The following CFAP43 variants were observed in gnomAD, a reference collection of about 807,000 sequenced individuals.
CFAP43 encodes the protein cilia and flagella associated protein 43.
Under a neutral mutation model 218.9 loss-of-function variants are expected in CFAP43, and 155 were observed. The observed-to-expected ratio is 0.71, with a 90% confidence interval of 0.62 to 0.81. The LOEUF is 0.81. CFAP43 is among the 30% of genes least tolerant of loss of function. The pLI is 0.00. For synonymous variants in CFAP43, 645 were observed against 681.3 expected (o/e 0.95, Z 0.83); for missense variants, 1,778 against 1,954.3 (o/e 0.91, Z 1.70).
At chr10:104,136,219 C>T (rs1215722584) in intron 34 of CFAP43, among the ~76,000 whole-genome samples, 4 of 134,428 alleles carry the variant, frequency 3.0e-5, no homozygotes, top group African/African-American at 5.6e-5. Context: ...CCACTGTGCT[C>T]CAGCCTGGGA....
intron 34 of CFAP43, among the ~76,000 whole-genome samples, chr10:104,139,233 A>G (rs1168923256): frequency 6.6e-6 from 1 of 152,246 alleles, no homozygotes; most frequent in East Asian, 1.9e-4. Flanking sequence ...GATGTGGAAC[A>G]GTATCAGACA....
chr10:104,132,304 T>A, intron 35 of CFAP43, 108 bp from the exon 36 acceptor site: 2 of 846,330 alleles, frequency 2.4e-6, no homozygotes, highest in Non-Finnish European at 3.5e-6. Flanking sequence ...AACAAATATC[T>A]ATGCAAGTTA....
chr10:104,192,462 G>A (rs1241255027), intron 11 of CFAP43, 160 bp from the exon 12 acceptor site: 3 of 628,864 alleles, frequency 4.8e-6, no homozygotes, highest in African/African-American at 1.9e-5. Flanking sequence ...GTGATTACAT[G>A]TGGATATAAT....
Position 104,152,486 on chromosome 10 carries a change from G to C in CFAP43, c.3660+121C>G. 2.2e-6 allele frequency: 3 copies of C among 1,371,378 alleles called. No individual in the cohort carries two copies. The South Asian group carries it at 3.9e-5, about 18-fold the overall frequency. The allele number at this position is 1,371,378 out of a possible 1,614,324, so 85.0% of individuals were successfully genotyped here. A position where few individuals can be genotyped will look rare whatever the true frequency, so the allele number is the denominator to read the frequency against. On this transcript the variant is annotated intron_variant, in intron 28 of 37. Transcript: ENST00000357060. ...GGTGCACAAGATGAGACTGGAGAGG[G>C]ACGCAGGGCCCAGAGCATACAAGAT...
chr10:104,161,007 T>C (rs2088839832), intron 27 of CFAP43, 30 bp downstream of exon 27: 1 of 1,575,520 alleles, frequency 6.3e-7, no homozygotes, highest in Non-Finnish European at 8.7e-7. Flanking sequence ...CTGGATATGG[T>C]AGGTTATATT....
chr10:104,232,128 G>T, intron 1 of CFAP43, 54 bp downstream of exon 1: 1 of 1,563,862 alleles, frequency 6.4e-7, no homozygotes, highest in Non-Finnish European at 8.7e-7. Flanking sequence ...GAGGGGACTT[G>T]GGGCAGGAGG....
intron 23 of CFAP43, 49 bp from the exon 24 acceptor site, chr10:104,164,349 CTGG>C (rs1297127532): frequency 1.5e-6 from 2 of 1,340,858 alleles, no homozygotes; most frequent in Non-Finnish European, 2.1e-6. Flanking sequence ...TATATCTTTA[CTGG>C]TAACATGATC....
At chr10:104,141,058 T>C in intron 33 of CFAP43, 57 bp from the exon 34 acceptor site, 2 of 1,500,196 alleles carry the variant, frequency 1.3e-6, no homozygotes, top group South Asian at 1.2e-5. Context: ...ATTTCACCTA[T>C]TATCTGAGAA....
chr10:104,180,461 TTTGAGACGGAGTC>T lies in CFAP43; in HGVS notation c.2290-542_2290-530del, dbSNP rs1378361211. 7.0e-4 allele frequency among the ~76,000 whole-genome samples: 106 copies of T among 151,188 alleles called. 2 individuals carry two copies. The South Asian group carries it at 8.3e-3, about 12-fold the overall frequency. ...ACCCTATTTCTTTTTTTTTTTTTTTTTTGAGACGGAGTCTTGCTCTGTCACCCAGGCTGGAGTG... is the reference window on the plus strand; with the variant it reads ...ACCCTATTTCTTTTTTTTTTTTTTTTTTGCTCTGTCACCCAGGCTGGAGTG... On this transcript the variant is annotated intron_variant, in intron 17 of 37. Coordinates refer to ENST00000357060, the MANE Select transcript of CFAP43 (RefSeq NM_025145.7).
At chr10:104,188,631 T>C (rs657657) in intron 12 of CFAP43, among the ~76,000 whole-genome samples, 3,804 of 152,286 alleles carry the variant, frequency 0.025, 154 homozygotes, top group African/African-American at 0.088. Flanking sequence ...CTGGCAGATT[T>C]AAACCAGCCC....
At chr10:104,168,929 A>G (rs912632918) in intron 20 of CFAP43, 81 bp from the exon 21 acceptor site, 21 of 1,172,246 alleles carry the variant, frequency 1.8e-5, no homozygotes, top group Non-Finnish European at 2.6e-5. Context: ...AAACTCACTA[A>G]GTAGCCATTA....
At chr10:104,197,617 T>C (rs1295963013) in intron 9 of CFAP43, among the ~76,000 whole-genome samples, 1 of 152,266 alleles carries the variant, frequency 6.6e-6, no homozygotes, top group Non-Finnish European at 1.5e-5. Flanking sequence ...TGTTAAAGCC[T>C]GGCTTGCAGA....
intron 28 of CFAP43, among the ~76,000 whole-genome samples, chr10:104,149,575 T>A (rs533601896): frequency 6.6e-6 from 1 of 152,336 alleles, no homozygotes; most frequent in Non-Finnish European, 1.5e-5. Flanking sequence ...CATAAATTCA[T>A]AAATTTAAAC....
At chr10:104,217,814 G>A (rs2091057275) in intron 3 of CFAP43, among the ~76,000 whole-genome samples, 1 of 152,202 alleles carries the variant, frequency 6.6e-6, no homozygotes, top group South Asian at 2.1e-4. Flanking sequence ...TGCCATAGGA[G>A]TTGAGTGTGG....
chr10:104,209,861 G>C (rs547004019), intron 5 of CFAP43, among the ~76,000 whole-genome samples: 93 of 152,284 alleles, frequency 6.1e-4, no homozygotes, highest in Admixed American at 5.5e-3. Context: ...ATCCACAGGG[G>C]ATGGGTTCCA....
chr10:104,150,323 C>G (rs1313611145), intron 28 of CFAP43, among the ~76,000 whole-genome samples: 1 of 152,138 alleles, frequency 6.6e-6, no homozygotes, highest in East Asian at 1.9e-4. Flanking sequence ...TGATTACATT[C>G]TTCTATCTGT....
intron 30 of CFAP43, 50 bp from the exon 31 acceptor site, chr10:104,145,614 T>C: frequency 7.9e-7 from 1 of 1,267,086 alleles, no homozygotes; most frequent in Middle Eastern, 1.9e-4. Context: ...TGGAAACCTT[T>C]TATTTGTTGA....
chr10:104,198,047 C>A lies in CFAP43; in HGVS notation c.1096-9G>T, dbSNP rs778040098. ...TAGATATAAACAGATCCCTGATAAACATACAAAAGAAAAGAAACACATTGT... is the reference window on the plus strand; with the variant it reads ...TAGATATAAACAGATCCCTGATAAAAATACAAAAGAAAAGAAACACATTGT... On this transcript the variant is annotated splice_polypyrimidine_tract_variant and intron_variant, in intron 8 of 37. Coordinates refer to ENST00000357060, the MANE Select transcript of CFAP43 (RefSeq NM_025145.7). 6.7e-7 allele frequency: 1 copy of A among 1,491,570 alleles called. No homozygotes were observed. The highest frequency in any genetic ancestry group is 2.3e-5 in the East Asian group (1 of 44,238). The allele number at this position is 1,491,570 out of a possible 1,614,324, so 92.4% of individuals were successfully genotyped here.
intron 2 of CFAP43, 108 bp downstream of exon 2, chr10:104,230,482 C>A (rs1184010192): frequency 4.9e-6 from 7 of 1,416,864 alleles, no homozygotes; most frequent in Non-Finnish European, 4.8e-6. Context: ...ACACAAAAAA[C>A]AAACAAAAAA....
Sources: gnomAD v4.1 joint callset for allele counts (sites outside exome capture counted in the v4.1 genomes callset) on GRCh38, gnomAD v4.1.1 for gene constraint, MANE v1.5 for transcripts, NCBI Gene and HGNC (gene_info 2026-07-23, HGNC 2026-07-21) for gene names.